Variants in CFTR observed in about 807,000 individuals in gnomAD.
CFTR encodes CF transmembrane conductance regulator, also known as cystic fibrosis transmembrane conductance regulator.
CFTR carries 181 observed loss-of-function variants against 171.6 expected under a neutral mutation model. The observed-to-expected ratio is 1.05, with a 90% CI of 0.93 to 1.19. The LOEUF (loss-of-function observed/expected upper bound fraction) is 1.19, where lower values mean the gene tolerates loss of function less well. CFTR is among the 50% of genes most tolerant of loss of function. The pLI, the probability that CFTR is intolerant of heterozygous loss-of-function variation, is 0.00. For synonymous variants in CFTR, 583 were observed against 608.0 expected (o/e 0.96, Z 0.60); for missense variants, 1,968 against 1,734.7 (o/e 1.13, Z -2.39).
At chr7:117,485,841 A>G (rs1798066001) in intron 1 of CFTR, among the ~76,000 whole-genome samples, 1 of 152,104 alleles carries the variant, frequency 6.6e-6, no homozygotes, top group Admixed American at 6.6e-5. Flanking sequence ...GGCCTTTTCT[A>G]ATTTGTTTAG....
intron 3 of CFTR, among the ~76,000 whole-genome samples, chr7:117,515,800 A>G (rs1365440916): frequency 6.6e-6 from 1 of 151,982 alleles, no homozygotes; most frequent in East Asian, 1.9e-4. Context: ...CACTTTTTCC[A>G]TTTGTTTGTG....
At chr7:117,658,192 T>A (rs1475980034) in intron 24 of CFTR, among the ~76,000 whole-genome samples, 1 of 151,956 alleles carries the variant, frequency 6.6e-6, no homozygotes, top group Non-Finnish European at 1.5e-5. Flanking sequence ...AAACTGAAAT[T>A]ACCAGCTGTG....
intron 22 of CFTR, 143 bp downstream of exon 22, chr7:117,627,913 T>C: frequency 1.2e-6 from 1 of 846,648 alleles, no homozygotes; most frequent in Non-Finnish European, 1.9e-6. Flanking sequence ...TTTTATTATA[T>C]GGAGTCATTA....
At chr7:117,485,342 T>A (rs1375716862) in intron 1 of CFTR, among the ~76,000 whole-genome samples, 1 of 152,168 alleles carries the variant, frequency 6.6e-6, no homozygotes, top group Non-Finnish European at 1.5e-5. Flanking sequence ...TAGGGCATCT[T>A]CCTGGAGAAA....
intron 1 of CFTR, among the ~76,000 whole-genome samples, chr7:117,498,814 T>A (rs140400433): frequency 1.3e-4 from 19 of 151,842 alleles, no homozygotes; most frequent in Non-Finnish European, 2.2e-4. Flanking sequence ...TCTTCAACAT[T>A]TGTTTTTTTT....
intron 23 of CFTR, among the ~76,000 whole-genome samples, chr7:117,644,001 C>T (rs1792958749): frequency 1.3e-5 from 2 of 152,118 alleles, no homozygotes; most frequent in Admixed American, 1.3e-4. Flanking sequence ...ACCAAGTGGG[C>T]CAGAGTTTTG....
At chr7:117,562,182 G>A (rs1264215721) in intron 11 of CFTR, among the ~76,000 whole-genome samples, 1 of 152,106 alleles carries the variant, frequency 6.6e-6, no homozygotes, top group Non-Finnish European at 1.5e-5. Flanking sequence ...ACTACTGATA[G>A]TATTTCTTCT....
At chr7:117,541,524 C>G (rs1799052002) in intron 8 of CFTR, among the ~76,000 whole-genome samples, 1 of 152,148 alleles carries the variant, frequency 6.6e-6, no homozygotes, top group Admixed American at 6.5e-5. Flanking sequence ...CTAATAGAGC[C>G]CTTCTTTTAG....
rs121908757 is a variant in CFTR at position 117,587,799 on chromosome 7, A to C, written c.1645A>C (p.Ser549Arg). The change falls in exon 12 of 27, where the codon AGT becomes CGT. Residue 549 changes from serine (S) to arginine (R), a missense_variant. By Grantham distance (110) the Ser-to-Arg change is moderately radical. Transcript: ENST00000003084. ...IVLGEGGITL[S>R]GGQRARISLA... ...TCTTGGAGAAGGTGGAATCACACTG[A>C]GTGGAGGTCAACGAGCAAGAATTTC... The C allele has an allele frequency of 1.2e-6, 2 of 1,610,964 alleles. No homozygotes were observed. Among genetic ancestry groups the C allele is most frequent in the Non-Finnish European group, 1.7e-6 (2 of 1,177,358 alleles).
chr7:117,577,633 C>T (rs1410622282), intron 11 of CFTR, among the ~76,000 whole-genome samples: 2 of 152,062 alleles, frequency 1.3e-5, no homozygotes, highest in Non-Finnish European at 2.9e-5. Context: ...TAAAATGTGA[C>T]TTTCATTTGC....
intron 17 of CFTR, chr7:117,604,722 G>A (rs1259183792): frequency 6.6e-6 from 1 of 152,124 alleles, no homozygotes; most frequent in African/African-American, 2.4e-5. Context: ...CTGAAATATT[G>A]CCGCATTTGC....
At chr7:117,495,791 A>T (rs1798227128) in intron 1 of CFTR, among the ~76,000 whole-genome samples, 1 of 152,148 alleles carries the variant, frequency 6.6e-6, no homozygotes, top group Non-Finnish European at 1.5e-5. Flanking sequence ...AGGAGTGAAA[A>T]ATCAAATGTT....
At chr7:117,561,704 T>C (rs1006582339) in intron 11 of CFTR, among the ~76,000 whole-genome samples, 3 of 152,152 alleles carry the variant, frequency 2.0e-5, no homozygotes, top group African/African-American at 7.2e-5. Context: ...GTGTAGAACA[T>C]GAATCATATA....
At chr7:117,592,924 C>G (rs1168303916) in intron 14 of CFTR, among the ~76,000 whole-genome samples, 3 of 152,202 alleles carry the variant, frequency 2.0e-5, no homozygotes, top group African/African-American at 7.2e-5. Context: ...ATAACTGTGA[C>G]TATAAGTTAG....
chr7:117,561,195 C>A (rs1799458209), intron 11 of CFTR, among the ~76,000 whole-genome samples: 1 of 151,924 alleles, frequency 6.6e-6, no homozygotes, highest in Non-Finnish European at 1.5e-5. Flanking sequence ...GTCTATTTTT[C>A]TGAAGGGTTT....
At chr7:117,561,355 G>A (rs1216385972) in intron 11 of CFTR, among the ~76,000 whole-genome samples, 2 of 151,986 alleles carry the variant, frequency 1.3e-5, no homozygotes, top group African/African-American at 4.8e-5. Context: ...TATTTTTGAA[G>A]TGTACAATTC....
At chr7:117,590,529 A>G in intron 13 of CFTR, 90 bp downstream of exon 13, 4 of 1,452,700 alleles carry the variant, frequency 2.8e-6, no homozygotes, top group Non-Finnish European at 3.7e-6. Context: ...TTACCTCTTG[A>G]GAAATATGTT....
chr7:117,652,365 A>G (rs1299061730), intron 23 of CFTR, among the ~76,000 whole-genome samples: 1 of 152,224 alleles, frequency 6.6e-6, no homozygotes, highest in Non-Finnish European at 1.5e-5. Context: ...AATAAGCATA[A>G]GTTAAAGAAA....
intron 1 of CFTR, among the ~76,000 whole-genome samples, chr7:117,484,691 T>C (rs1798045447): frequency 6.6e-6 from 1 of 151,582 alleles, no homozygotes; most frequent in Non-Finnish European, 1.5e-5. Flanking sequence ...TATAATTACA[T>C]TTATTTATAT....
Sources: gnomAD v4.1 joint callset for allele counts (sites outside exome capture counted in the v4.1 genomes callset) on GRCh38, gnomAD v4.1.1 for gene constraint, MANE v1.5 for transcripts, NCBI Gene and HGNC (gene_info 2026-07-23, HGNC 2026-07-21) for gene names.